The following MTMR10 variants were observed in gnomAD, a reference collection of about 807,000 sequenced individuals.
MTMR10 encodes myotubularin related protein 10.
Under a neutral mutation model 88.1 loss-of-function variants are expected in MTMR10, and 56 were observed. The ratio of observed to expected loss-of-function variants is 0.64; its 90% CI spans 0.51 to 0.79. The LOEUF is 0.79. MTMR10 is among the 30% of genes least tolerant of loss of function. MTMR10 has a pLI of 0.00. For synonymous variants in MTMR10, 380 were observed against 340.9 expected (o/e 1.11, Z -1.26); for missense variants, 883 against 924.7 (o/e 0.95, Z 0.58).
Position 30,961,016 on chromosome 15 carries a change from T to C in MTMR10, c.623A>G (p.Asn208Ser). The change falls in exon 7 of 16, where the codon AAT (asparagine) becomes AGT (serine). Residue 208 changes from asparagine (N) to serine (S), a missense_variant. Transcript: ENST00000435680. ...GDGGGGGGGG[N>S]GAGGGSSQKT... ...CTGGCTGCTGCCACCACCAGCTCCA[T>C]TACCTCCTCCTCCTCCTCCTCCTCC... is the stretch of plus-strand genomic sequence containing the variant. 1 of 1,572,478 alleles carries C rather than the reference T, an allele frequency of 6.4e-7. No homozygotes were observed. Among genetic ancestry groups the C allele is most frequent in the Non-Finnish European group, 8.6e-7 (1 of 1,157,622 alleles).
chr15:30,958,865 C>T lies in MTMR10; in HGVS notation c.933G>A (p.Gln311=). ...GACAATGACCATTTCTCAATTACCT[C>T]TGGTCAATCTTCCTCTGCTGCAGCA... ...KDVLQQRKID[Q]RICNAITKSH... is the part of the protein sequence containing the mutation. Residue 311 remains glutamine (Q), a splice_region_variant and synonymous_variant, in exon 9 of 16, where the codon CAG becomes CAA. Transcript: ENST00000435680. 1 of 1,613,552 alleles carries T rather than the reference C, an allele frequency of 6.2e-7. No homozygotes were observed. Among genetic ancestry groups the T allele is most frequent in the Non-Finnish European group, 8.5e-7 (1 of 1,179,482 alleles).
In MTMR10 at chr15:30,940,415, A is replaced by C. The variant is rs76472542; in HGVS notation, c.*1055T>G. 41,568 of 985,230 alleles carry C rather than the reference A, an allele frequency of 0.042. 1,050 individuals are homozygous for C. Among genetic ancestry groups the C allele is most frequent in the Admixed American group, 0.12 (2,011 of 16,254 alleles). The allele number at this position is 985,230 out of a possible 1,614,324, so 61.0% of individuals were successfully genotyped here. Reference sequence around the variant, plus strand: ...GTGTTTTGAGAGAATCCATTTTTTTATTTCTCCTCTATTCCTAAGCATTAG... The same window carrying C: ...GTGTTTTGAGAGAATCCATTTTTTTCTTTCTCCTCTATTCCTAAGCATTAG... On this transcript the variant is annotated 3_prime_UTR_variant, in exon 16 of 16. Coordinates refer to ENST00000435680, the MANE Select transcript of MTMR10 (RefSeq NM_017762.3).
At chr15:30,935,795 A>T (rs936512701), downstream of MTMR10, among the ~76,000 whole-genome samples, 12 of 152,218 alleles carry the variant, frequency 7.9e-5, no homozygotes, top group Non-Finnish European at 1.8e-4. Flanking sequence ...TAAAAATATT[A>T]GTCTACTGTC....
Position 30,990,780 on chromosome 15 carries a change from G to A in MTMR10, c.118C>T (p.Pro40Ser), listed in dbSNP as rs777764285. The change falls in exon 2 of 16, where the codon CCA becomes TCA. Residue 40 changes from proline (P) to serine (S), a missense_variant. This residue lies in a region of MTMR10 where 414 missense variants were observed against 423.2 expected (regional missense o/e 0.98). Coordinates refer to ENST00000435680, the MANE Select transcript of MTMR10 (RefSeq NM_017762.3). ...TAGAATCCTAACTAATGTTTACCTG[G>A]CAAAAGGACTGGCTCCAGTTTTTTA... ...KIKKLEPVLL[P>S]GEIVVNEVNF... 1.4e-5 allele frequency: 22 copies of A among 1,608,710 alleles called. No individual in the cohort carries two copies. The highest frequency in any genetic ancestry group is 2.2e-5 in the East Asian group (1 of 44,820).
At chr15:30,920,176 A>G in the MTMR10 span, among the ~76,000 whole-genome samples, 1 of 152,372 alleles carries the variant, frequency 6.6e-6, no homozygotes, top group South Asian at 2.1e-4. Context: ...TTTCAGTTTC[A>G]TACAATTTTC....
chr15:30,941,269 G>C lies in MTMR10; in HGVS notation c.*201C>G. ...AGAGCCAGACCTGTAATGACAGAAA[G>C]AGGACAGGAACAAAATTTACATCTC... is the stretch of plus-strand genomic sequence containing the variant. On this transcript the variant is annotated 3_prime_UTR_variant, in exon 16 of 16. Coordinates refer to ENST00000435680, the MANE Select transcript of MTMR10 (RefSeq NM_017762.3). 6.7e-7 allele frequency: 1 copy of C among 1,482,722 alleles called. No homozygotes were observed. The highest frequency in any genetic ancestry group is 9.0e-7 in the Non-Finnish European group (1 of 1,114,156). The allele number at this position is 1,482,722 out of a possible 1,614,324, so 91.8% of individuals were successfully genotyped here.
intron 2 of MTMR10, among the ~76,000 whole-genome samples, chr15:30,981,679 T>G (rs912962259): frequency 4.6e-5 from 7 of 152,256 alleles, no homozygotes; most frequent in African/African-American, 1.7e-4. Flanking sequence ...TTGATGATGT[T>G]TCTAGGGGGT....
Position 30,941,824 on chromosome 15 carries a change from GCACAGTTTC to G in MTMR10, c.1971_1979del (p.Trp657_Leu659del). On this transcript the variant is annotated inframe_deletion, in exon 16 of 16. Coordinates refer to ENST00000435680, the MANE Select transcript of MTMR10 (RefSeq NM_017762.3). ...GGGCCTCGGGAACCCAGCGGAAGTA[GCACAGTTTC>G]CACAGTTTTATGTGTGTTCCAGAGA... The G allele has an allele frequency of 2.5e-6, 4 of 1,614,072 alleles. No individual in the cohort carries two copies. Among genetic ancestry groups the G allele is most frequent in the Non-Finnish European group, 3.4e-6 (4 of 1,179,908 alleles).
chr15:30,930,716 C>G, the MTMR10 span: 1 of 1,604,384 alleles, frequency 6.2e-7, no homozygotes, highest in Non-Finnish European at 8.5e-7. Flanking sequence ...ACCTTATTAG[C>G]AACTGAATCA....
chr15:30,955,036 G>A (rs2063303000), intron 9 of MTMR10, 143 bp from the exon 10 acceptor site: 3 of 619,866 alleles, frequency 4.8e-6, no homozygotes, highest in Admixed American at 4.1e-5. Context: ...TTTTTTTTAA[G>A]ACAGAACCAT....
downstream of MTMR10, among the ~76,000 whole-genome samples, chr15:30,934,886 G>A (rs8029490): frequency 0.015 from 2,289 of 152,088 alleles, 56 homozygotes; most frequent in African/African-American, 0.053. Context: ...TTACTTCTAC[G>A]TGTTATATGT....
At chr15:30,946,402 C>CTCG in intron 14 of MTMR10, 1 of 253,512 alleles carries the variant, frequency 3.9e-6, no homozygotes, top group Non-Finnish European at 7.5e-6. Flanking sequence ...CTGAGTGGAA[C>CTCG]ATGGGCCTAG....
chr15:30,929,130 G>T, the MTMR10 span: 1 of 1,349,490 alleles, frequency 7.4e-7, no homozygotes, highest in South Asian at 1.3e-5. Flanking sequence ...AGTTTTGTAT[G>T]TACTGACTAG....
At chr15:30,953,463 G>GT in intron 11 of MTMR10, 99 bp downstream of exon 11, 1 of 856,264 alleles carries the variant, frequency 1.2e-6, no homozygotes, top group Non-Finnish European at 1.8e-6. Context: ...TGGATGAAGA[G>GT]TAAGTACATG....
At chr15:30,953,060 G>A (rs1165210118) in intron 11 of MTMR10, among the ~76,000 whole-genome samples, 2 of 152,076 alleles carry the variant, frequency 1.3e-5, no homozygotes, top group East Asian at 1.9e-4. Flanking sequence ...AAAGTGCTGG[G>A]ATTACAGGCA....
intron 2 of MTMR10, among the ~76,000 whole-genome samples, chr15:30,983,128 T>C (rs1003939449): frequency 7.2e-5 from 11 of 152,210 alleles, no homozygotes; most frequent in African/African-American, 2.7e-4. Context: ...CTGGCTGGCC[T>C]GCTTGTGAGA....
At chr15:30,973,739 T>C (rs1371446289) in intron 5 of MTMR10, among the ~76,000 whole-genome samples, 6 of 152,106 alleles carry the variant, frequency 3.9e-5, no homozygotes, top group Non-Finnish European at 7.4e-5. Context: ...AACATGCCCT[T>C]GACTCTTACA....
At chr15:30,936,518 T>A (rs1320418728), downstream of MTMR10, among the ~76,000 whole-genome samples, 1 of 152,222 alleles carries the variant, frequency 6.6e-6, no homozygotes, top group Non-Finnish European at 1.5e-5. Context: ...AAGAATCAGT[T>A]TACTCATCCT....
At chr15:30,972,364 A>AT (rs974377394) in intron 5 of MTMR10, among the ~76,000 whole-genome samples, 8 of 151,346 alleles carry the variant, frequency 5.3e-5, no homozygotes, top group East Asian at 1.9e-4. Context: ...CATTGCATCT[A>AT]TTTTTTTTTC....
Sources: gnomAD v4.1 joint callset for allele counts (sites outside exome capture counted in the v4.1 genomes callset) on GRCh38, gnomAD v4.1.1 for gene constraint, gnomAD v4.1.1 regional missense constraint, MANE v1.5 for transcripts, NCBI Gene and HGNC (gene_info 2026-07-23, HGNC 2026-07-21) for gene names.